SLC2A9: variants seen among roughly 807,000 people sequenced by gnomAD.
The protein encoded by SLC2A9 is solute carrier family 2 member 9, also known as solute carrier family 2, facilitated glucose transporter member 9.
In SLC2A9, 39 loss-of-function variants were observed where a neutral mutation model predicts 50.6. That is an observed-to-expected ratio of 0.77 (90% CI 0.60 to 1.01). SLC2A9 has a LOEUF of 1.01. Among genes scored for constraint, SLC2A9 ranks in the 50% least tolerant of loss-of-function variants. The pLI, the probability that SLC2A9 is intolerant of heterozygous loss-of-function variation, is 0.00. For synonymous variants in SLC2A9, 324 were observed against 276.9 expected, an observed-to-expected ratio of 1.17 and a Z score of -1.69; for missense variants, 686 against 677.6, an observed-to-expected ratio of 1.01 and a Z score of -0.14.
intron 5 of SLC2A9, 29 bp from the exon 6 acceptor site, chr4:9,942,074 C>T (rs556832594): frequency 2.5e-6 from 4 of 1,613,528 alleles, no homozygotes; most frequent in Non-Finnish European, 3.4e-6. Context: ...CTGCTGAGTG[C>T]AGTGGCCTTT....
intron 4 of SLC2A9, among the ~76,000 whole-genome samples, chr4:9,984,735 G>A (rs957478369): frequency 6.6e-6 from 1 of 152,146 alleles, no homozygotes; most frequent in South Asian, 2.1e-4. Context: ...CTTCTCTGCA[G>A]CTCCCCACCT....
intron 1 of SLC2A9, among the ~76,000 whole-genome samples, chr4:10,032,782 C>T (rs1362820197): frequency 6.6e-6 from 1 of 152,154 alleles, no homozygotes; most frequent in Non-Finnish European, 1.5e-5. Flanking sequence ...GACGTTTATC[C>T]TCTTTCAAAA....
chr4:9,802,239 G>A (rs1388002186), intron 3 of SLC2A9, among the ~76,000 whole-genome samples: 2 of 151,434 alleles, frequency 1.3e-5, no homozygotes, highest in African/African-American at 2.4e-5. Context: ...AGATTAAAGG[G>A]TTTGGGAGAA....
rs189050371 is a variant in SLC2A9, at chr4:9,809,042, A to G, written n.421-9801T>C. On this transcript the variant is annotated intron_variant and non_coding_transcript_variant, in intron 3 of 3. Coordinates refer to the SLC2A9 transcript ENST00000503280. ...TGGAAGCCCCCTGATGCAATGGAAA[A>G]GAATGATTCTAATTTGCCCTAGTTG... is the stretch of plus-strand genomic sequence containing the variant. Among the ~76,000 whole-genome samples, 138 of 152,346 alleles carry G rather than the reference A, an allele frequency of 9.1e-4. 1 individual carries two copies. The highest frequency in any genetic ancestry group is 3.2e-3 in the African/African-American group (135 of 41,578).
intron 6 of SLC2A9, among the ~76,000 whole-genome samples, chr4:9,927,404 G>A (rs1301137692): frequency 6.6e-6 from 1 of 152,210 alleles, no homozygotes; most frequent in Admixed American, 6.5e-5. Flanking sequence ...CCTCCTGCTA[G>A]AGCAAAGCGC....
chr4:9,833,456 T>C (rs1449344418), intron 11 of SLC2A9, among the ~76,000 whole-genome samples: 5 of 152,146 alleles, frequency 3.3e-5, no homozygotes, highest in Non-Finnish European at 5.9e-5. Flanking sequence ...GGGCTGACCA[T>C]GTCTGCTTCC....
chr4:9,798,946 A>G (rs1339718956), downstream of SLC2A9: 1 of 152,196 alleles, frequency 6.6e-6, no homozygotes, highest in African/African-American at 2.4e-5. Context: ...GGTACAATGG[A>G]TGCCATAGTA....
At chr4:9,941,886 C>A in intron 6 of SLC2A9, 27 bp downstream of exon 6, 1 of 1,613,628 alleles carries the variant, frequency 6.2e-7, no homozygotes, top group Non-Finnish European at 8.5e-7. Context: ...GGGGCTGGAG[C>A]TGTGCAGGAA....
intron 10 of SLC2A9, among the ~76,000 whole-genome samples, chr4:9,865,025 C>T (rs1009491390): frequency 6.6e-6 from 1 of 152,218 alleles, no homozygotes. Context: ...GACTCACAAC[C>T]CACAAGGTTT....
intron 3 of SLC2A9, among the ~76,000 whole-genome samples, chr4:9,991,693 G>T (rs754089640): frequency 6.6e-6 from 1 of 152,190 alleles, no homozygotes; most frequent in East Asian, 1.9e-4. Context: ...CGGCCCTAAT[G>T]TGGGATGATT....
chr4:9,894,595 T>C (rs760376197), intron 8 of SLC2A9, among the ~76,000 whole-genome samples: 5 of 152,226 alleles, frequency 3.3e-5, no homozygotes, highest in Admixed American at 6.5e-5. Flanking sequence ...TCACCAAATA[T>C]TTCCAATACC....
At chr4:9,917,105 A>C (rs1312658365) in intron 7 of SLC2A9, among the ~76,000 whole-genome samples, 1 of 152,082 alleles carries the variant, frequency 6.6e-6, no homozygotes, top group Non-Finnish European at 1.5e-5. Context: ...ACAGACTGAC[A>C]CTCACACTGA....
intron 6 of SLC2A9, among the ~76,000 whole-genome samples, chr4:9,934,926 T>A (rs1031832917): frequency 6.6e-6 from 1 of 152,176 alleles, no homozygotes; most frequent in Admixed American, 6.5e-5. Context: ...TCTGTTCCTG[T>A]GTTAGTTTGC....
chr4:9,879,483 C>T (rs1734850635), intron 10 of SLC2A9: 1 of 985,216 alleles, frequency 1.0e-6, no homozygotes, highest in Non-Finnish European at 1.2e-6. Flanking sequence ...AGAGGGAGGG[C>T]AGGCAGGGCA....
At chr4:9,838,762 G>A (rs889574096) in intron 10 of SLC2A9, among the ~76,000 whole-genome samples, 2 of 151,898 alleles carry the variant, frequency 1.3e-5, no homozygotes, top group Non-Finnish European at 2.9e-5. Flanking sequence ...GGAAAGGACT[G>A]TATTCAATAA....
rs571010930 is a variant in SLC2A9, at chr4:9,984,049, C to T, written c.535+1620G>A. ...ACAGTTGGTCAGTTATAAAACATTA[C>T]ATAGACACCAGCCATTATTCTTATG... On this transcript the variant is annotated intron_variant, in intron 4 of 11. Transcript: ENST00000264784. 1.2e-4 allele frequency among the ~76,000 whole-genome samples: 19 copies of T among 152,306 alleles called. No individual in the cohort carries two copies. The Middle Eastern group carries it at 0.01, about 82-fold the overall frequency.
At chr4:10,035,074 G>C (rs186901951) in intron 1 of SLC2A9, 36 of 152,388 alleles carry the variant, frequency 2.4e-4, no homozygotes, top group Admixed American at 2.0e-3. Context: ...CTCTGGTGCA[G>C]GACGTTTCAC....
At chr4:10,013,853 C>G (rs915679807) in intron 2 of SLC2A9, among the ~76,000 whole-genome samples, 1 of 152,170 alleles carries the variant, frequency 6.6e-6, no homozygotes, top group African/African-American at 2.4e-5. Context: ...AAAGGCGAAG[C>G]TGGCTGGGCC....
chr4:9,970,997 G>T (rs867878582), intron 5 of SLC2A9, among the ~76,000 whole-genome samples: 1 of 152,178 alleles, frequency 6.6e-6, no homozygotes, highest in Middle Eastern at 3.4e-3. Context: ...GTCATGTACC[G>T]CCTGCTTGGT....
Sources: gnomAD v4.1 joint callset for allele counts (sites outside exome capture counted in the v4.1 genomes callset) on GRCh38, gnomAD v4.1.1 for gene constraint, MANE v1.5 for transcripts, NCBI Gene and HGNC (gene_info 2026-07-23, HGNC 2026-07-21) for gene names.